B3GNT5: variants seen among roughly 807,000 people sequenced by gnomAD.
The protein encoded by B3GNT5 is UDP-GlcNAc:betaGal beta-1,3-N-acetylglucosaminyltransferase 5.
A neutral mutation model predicts 25.9 loss-of-function variants in B3GNT5; 11 were observed. That is an observed-to-expected ratio of 0.42 (90% CI 0.27 to 0.70). B3GNT5 has a LOEUF of 0.70. Among genes scored for constraint, B3GNT5 ranks in the 30% least tolerant of loss-of-function variants. The pLI is 0.23. For missense variants in B3GNT5, 385 were observed against 458.4 expected, an observed-to-expected ratio of 0.84 and a Z score of 1.46; for synonymous variants, 166 against 158.6, an observed-to-expected ratio of 1.05 and a Z score of -0.35.
intron 1 of B3GNT5, among the ~76,000 whole-genome samples, chr3:183,266,899 G>A (rs557645009): frequency 6.6e-6 from 1 of 151,298 alleles, no homozygotes; most frequent in African/African-American, 2.4e-5. Context: ...TGATTCTCCT[G>A]CCTCAGCCTC....
In B3GNT5 at chr3:183,266,588, GA is replaced by G. The variant is rs531215950; in HGVS notation, c.-301-2907del. Among the ~76,000 whole-genome samples the G allele has an allele frequency of 2.0e-3, 312 of 152,320 alleles. 4 individuals are homozygous for G. The highest frequency in any genetic ancestry group is 7.3e-3 in the African/African-American group (303 of 41,562). On this transcript the variant is annotated intron_variant, in intron 1 of 1. Coordinates refer to ENST00000326505, the MANE Select transcript of B3GNT5 (RefSeq NM_032047.5). Reference sequence around the variant, plus strand: ...GGTTGTTATCTGGATGAGCACTGTGGAAAGACTGAGAGAGCAACTGAGAGAA... The same window carrying G: ...GGTTGTTATCTGGATGAGCACTGTGGAAGACTGAGAGAGCAACTGAGAGAA...
chr3:183,262,410 T>C (rs552634412), intron 1 of B3GNT5, among the ~76,000 whole-genome samples: 41 of 152,114 alleles, frequency 2.7e-4, no homozygotes, highest in African/African-American at 9.6e-4. Context: ...CCTGTCTTGG[T>C]TTACCGTTTT....
rs1726710681 is a variant in B3GNT5 at position 183,270,902 on chromosome 3, G to A, written c.1104G>A (p.Val368=). 3.1e-6 allele frequency: 5 copies of A among 1,603,968 alleles called. No homozygotes were observed. Among genetic ancestry groups the A allele is most frequent in the Non-Finnish European group, 4.3e-6 (5 of 1,176,050 alleles). The change falls in exon 2 of 2, where the codon GTG becomes GTA. Residue 368 remains valine, a synonymous_variant. Transcript: ENST00000326505. This position sits in a 1 kb window ranked among gnomAD's most constrained non-coding sequence, Gnocchi z 4.5. ...TTCTCCTTTGTAAAATTAGCTATGT[G>A]GACACATACCCTTGTAGGGCTGCGT... is the stretch of plus-strand genomic sequence containing the variant. ...KIILLCKISY[V]DTYPCRAAFI is the part of the protein sequence containing the mutation.
rs1726620519 is a variant in B3GNT5 at position 183,270,200 on chromosome 3, T to C, written c.402T>C (p.Pro134=). 1.9e-6 allele frequency: 3 copies of C among 1,614,094 alleles called. No homozygotes were observed. Among genetic ancestry groups the C allele is most frequent in the Non-Finnish European group, 1.7e-6 (2 of 1,180,034 alleles). ...AAACTCTGTTTGCCTTAGGAACTCC[T>C]AATCCACTGGAGGGAGAAGAACTAC... The part of the protein sequence containing the change: ...NIKTLFALGT[P]NPLEGEELQR... Residue 134 remains proline, a synonymous_variant, in exon 2 of 2, where the codon CCT becomes CCC. Coordinates refer to ENST00000326505, the MANE Select transcript of B3GNT5 (RefSeq NM_032047.5). This position sits in a 1 kb window ranked among gnomAD's most constrained non-coding sequence, Gnocchi z 4.5.
chr3:183,269,585 C>G lies in B3GNT5; in HGVS notation c.-214C>G. 2 of 477,518 alleles carry G rather than the reference C, an allele frequency of 4.2e-6. No individual in the cohort carries two copies. The highest frequency in any genetic ancestry group is 2.0e-5 in the African/African-American group (1 of 49,364). The allele number at this position is 477,518 out of a possible 1,614,324, so 29.6% of individuals were successfully genotyped here. On this transcript the variant is annotated 5_prime_UTR_variant, in exon 2 of 2. Coordinates refer to ENST00000326505, the MANE Select transcript of B3GNT5 (RefSeq NM_032047.5). ...GCCCGTGTGGAAGAATTTTGACGTG[C>G]CAGTGTCCTCGTTCTACAGGGTGTT...
chr3:183,253,791 C>G (rs1417823520), intron 1 of B3GNT5: 4 of 152,264 alleles, frequency 2.6e-5, no homozygotes, highest in Non-Finnish European at 4.4e-5. Context: ...CTTGGCGGAG[C>G]GCCCTGGGCC....
chr3:183,272,794 A>G lies in B3GNT5; in HGVS notation c.*1859A>G. ...CCTTTTGCCCATATATACCCTGTGT[A>G]TCTATACTTGGAAGTGTTTAAGGTT... On this transcript the variant is annotated 3_prime_UTR_variant, in exon 2 of 2. Transcript: ENST00000326505. 10 of 1,156,848 alleles carry G rather than the reference A, an allele frequency of 8.6e-6. No homozygotes were observed. Among genetic ancestry groups the G allele is most frequent in the Non-Finnish European group, 9.7e-6 (9 of 929,616 alleles). 71.7% of individuals were successfully genotyped at this position (1,156,848 alleles called of 1,614,324 possible).
chr3:183,258,326 T>G (rs1393919521), intron 1 of B3GNT5: 1 of 152,876 alleles, frequency 6.5e-6, no homozygotes, highest in Non-Finnish European at 1.5e-5. Flanking sequence ...CTCCTTTTCT[T>G]TCTCCCATCC....
chr3:183,272,513 G>T lies in B3GNT5; in HGVS notation c.*1578G>T. The T allele has an allele frequency of 1.6e-5, 16 of 995,350 alleles. No homozygotes were observed. The highest frequency in any genetic ancestry group is 1.9e-5 in the Non-Finnish European group (16 of 825,866). 61.7% of individuals were successfully genotyped at this position (995,350 alleles called of 1,614,324 possible). ...AGCAGGTAGCTTTTTAATGTTTACA[G>T]AAATTTTAATTTTTTTCTATTTTGA... is the stretch of plus-strand genomic sequence containing the variant. On this transcript the variant is annotated 3_prime_UTR_variant, in exon 2 of 2. Coordinates refer to ENST00000326505, the MANE Select transcript of B3GNT5 (RefSeq NM_032047.5).
In B3GNT5 at chr3:183,267,964, G is replaced by A. The variant is rs545124623; in HGVS notation, c.-301-1534G>A. 1.3e-5 allele frequency among the ~76,000 whole-genome samples: 2 copies of A among 152,328 alleles called. No homozygotes were observed. The highest frequency in any genetic ancestry group is 2.4e-5 in the African/African-American group (1 of 41,562). The stretch of plus-strand genomic sequence containing the variant: ...CACACTGAGCTGGATGCTGAGTGTA[G>A]GGTGTCCACAACATCGTGCCTAAAA... On this transcript the variant is annotated intron_variant, in intron 1 of 1. Coordinates refer to ENST00000326505, the MANE Select transcript of B3GNT5 (RefSeq NM_032047.5). This position sits in a 1 kb window ranked among gnomAD's most constrained non-coding sequence, Gnocchi z 5.5.
chr3:183,255,241 C>T (rs1724933519), intron 1 of B3GNT5, among the ~76,000 whole-genome samples: 1 of 152,160 alleles, frequency 6.6e-6, no homozygotes, highest in Non-Finnish European at 1.5e-5. Flanking sequence ...TAAGTGGTGG[C>T]ACCGAAATGA....
intron 1 of B3GNT5, among the ~76,000 whole-genome samples, chr3:183,262,018 A>G (rs1213753067): frequency 6.8e-6 from 1 of 147,370 alleles, no homozygotes; most frequent in Admixed American, 6.8e-5. Context: ...ATATATGAAT[A>G]TTTATTAATA....
At position 183,257,402 on chromosome 3, in the gene B3GNT5, T is replaced by C. The variant is rs552195924; in HGVS notation, c.-302+3930T>C. ...AGCTACACCTGAAACATCTCTGAAG[T>C]CTTTTTAGCATCCTATCCTGCCCAT... On this transcript the variant is annotated intron_variant, in intron 1 of 1. Transcript: ENST00000326505. Among the ~76,000 whole-genome samples the C allele has an allele frequency of 1.1e-3, 173 of 152,336 alleles. 1 individual carries two copies. Among genetic ancestry groups the C allele is most frequent in the Admixed American group, 1.5e-3 (23 of 15,310 alleles).
chr3:183,273,068 T>C lies in B3GNT5; in HGVS notation c.*2133T>C. The C allele has an allele frequency of 6.8e-7, 1 of 1,472,358 alleles. No homozygotes were observed. The highest frequency in any genetic ancestry group is 1.4e-5 in the South Asian group (1 of 73,732). 91.2% of individuals were successfully genotyped at this position (1,472,358 alleles called of 1,614,324 possible). ...CTTAAAGTACTGAGAAGAGTATCTGTAAATAAAAGGGTTCCAACCTTTTAA... is the reference window on the plus strand; with the variant it reads ...CTTAAAGTACTGAGAAGAGTATCTGCAAATAAAAGGGTTCCAACCTTTTAA... On this transcript the variant is annotated 3_prime_UTR_variant, in exon 2 of 2. Transcript: ENST00000326505.
intron 1 of B3GNT5, among the ~76,000 whole-genome samples, chr3:183,264,537 A>G (rs929073006): frequency 2.6e-5 from 4 of 152,258 alleles, no homozygotes; most frequent in Admixed American, 2.0e-4. Context: ...TGTGTCTGGT[A>G]TAAGAACCCG....
intron 1 of B3GNT5, among the ~76,000 whole-genome samples, chr3:183,256,169 T>A (rs781350306): frequency 5.9e-5 from 9 of 152,208 alleles, no homozygotes; most frequent in Non-Finnish European, 7.4e-5. Context: ...AATATTTCCA[T>A]AGCCATTATT....
intron 1 of B3GNT5, chr3:183,265,452 A>C (rs1381176032): frequency 6.6e-6 from 1 of 152,264 alleles, no homozygotes; most frequent in Admixed American, 6.5e-5. Context: ...TCTGAATAGG[A>C]AAGCTGGAAG....
intron 1 of B3GNT5, chr3:183,266,192 G>A (rs764013220): frequency 6.6e-6 from 1 of 152,200 alleles, no homozygotes; most frequent in Non-Finnish European, 1.5e-5. Flanking sequence ...ATGCACAATG[G>A]GTGTGGGAGC....
chr3:183,269,090 T>C (rs1288412810), intron 1 of B3GNT5, among the ~76,000 whole-genome samples: 1 of 152,182 alleles, frequency 6.6e-6, no homozygotes, highest in African/African-American at 2.4e-5. Context: ...TTTACTGCTG[T>C]GAATTTTCTT....
Sources: gnomAD v4.1 joint callset for allele counts (sites outside exome capture counted in the v4.1 genomes callset) on GRCh38, gnomAD v4.1.1 for gene constraint, Gnocchi (gnomAD v3.1) non-coding constraint, MANE v1.5 for transcripts, NCBI Gene and HGNC (gene_info 2026-07-23, HGNC 2026-07-21) for gene names.